DENND11: variants seen among roughly 807,000 people sequenced by gnomAD.
DENND11 encodes DENN domain-containing protein 11.
In DENND11, 34 loss-of-function variants were observed where a neutral mutation model predicts 49.2. The observed-to-expected ratio is 0.69, with a 90% CI of 0.53 to 0.92. The LOEUF is 0.92. DENND11 is among the 40% of genes least tolerant of loss of function. DENND11 has a pLI of 0.00. For synonymous variants in DENND11, 238 were observed against 230.3 expected, an observed-to-expected ratio of 1.03 and a Z score of -0.30; for missense variants, 475 against 581.6, an observed-to-expected ratio of 0.82 and a Z score of 1.88.
At chr7:141,698,932 T>C (rs1332069043) in intron 1 of DENND11, among the ~76,000 whole-genome samples, 1 of 136,586 alleles carries the variant, frequency 7.3e-6, no homozygotes, top group Middle Eastern at 3.3e-3. Flanking sequence ...GGGCAGTAAG[T>C]GATGGGGGTG....
At chr7:141,698,100 A>T (rs1244574147) in intron 1 of DENND11, among the ~76,000 whole-genome samples, 2 of 152,190 alleles carry the variant, frequency 1.3e-5, no homozygotes, top group African/African-American at 4.8e-5. Context: ...AATCTCTTAT[A>T]AAGAAACAGT....
chr7:141,669,311 T>G (rs1797942289), intron 4 of DENND11, among the ~76,000 whole-genome samples: 1 of 150,244 alleles, frequency 6.7e-6, no homozygotes, highest in Non-Finnish European at 1.5e-5. Flanking sequence ...GCAGTGGCGC[T>G]ATCTCAGCTC....
Position 141,685,065 on chromosome 7 carries a change from A to G in DENND11, c.527+413T>C, listed in dbSNP as rs183802243. 4.3e-3 allele frequency among the ~76,000 whole-genome samples: 587 copies of G among 135,010 alleles called. 4 individuals carry two copies. Among genetic ancestry groups the G allele is most frequent in the African/African-American group, 0.013 (472 of 37,250 alleles). 88.6% of individuals were successfully genotyped at this position (135,010 alleles called of 152,430 possible). On this transcript the variant is annotated intron_variant, in intron 3 of 8. Transcript: ENST00000536163. ...ATATATATATATATATATATTTTTA[A>G]GTTCTCTTTCTATTATCCCAATCAT... is the stretch of plus-strand genomic sequence containing the variant.
chr7:141,668,242 G>A (rs1201740529), intron 4 of DENND11, among the ~76,000 whole-genome samples: 3 of 152,190 alleles, frequency 2.0e-5, no homozygotes, highest in African/African-American at 4.8e-5. Context: ...CCCACTCTAG[G>A]AGAGACAGAA....
intron 4 of DENND11, among the ~76,000 whole-genome samples, chr7:141,671,244 T>C (rs1452649236): frequency 2.6e-5 from 4 of 152,234 alleles, no homozygotes; most frequent in South Asian, 2.1e-4. Context: ...TGGTGCGATG[T>C]TGGCTCACTG....
chr7:141,695,040 C>A (rs1798390530), intron 1 of DENND11, among the ~76,000 whole-genome samples: 1 of 152,150 alleles, frequency 6.6e-6, no homozygotes, highest in Non-Finnish European at 1.5e-5. Flanking sequence ...ATTTCTTAAC[C>A]ATTTATCATA....
At chr7:141,687,918 G>A (rs1446901941) in intron 1 of DENND11, among the ~76,000 whole-genome samples, 1 of 152,126 alleles carries the variant, frequency 6.6e-6, no homozygotes, top group Non-Finnish European at 1.5e-5. Context: ...ACAGGCGTGA[G>A]CCACCGCACC....
chr7:141,702,049 GC>G lies in DENND11; in HGVS notation c.104del (p.Gly35AlafsTer59), dbSNP rs1476290332. ...PQPQAGGWGR[G>X]GGGGARPAAE... The stretch of plus-strand genomic sequence containing the variant: ...CGGCCGGCCGGGCGCCCCCGCCGCC[GC>G]CCCGGCCCCAGCCTCCCGCCTGCGG... On this transcript the variant is annotated frameshift_variant, in exon 1 of 9. Transcript: ENST00000536163. LOFTEE classifies it high-confidence loss of function. The G allele has an allele frequency of 2.0e-6, 2 of 995,532 alleles. No homozygotes were observed. The highest frequency in any genetic ancestry group is 2.4e-6 in the Non-Finnish European group (2 of 838,066). The allele number at this position is 995,532 out of a possible 1,614,324, so 61.7% of individuals were successfully genotyped here. A position where few individuals can be genotyped will look rare whatever the true frequency, so the allele number is the denominator to read the frequency against.
At chr7:141,682,789 C>G in intron 3 of DENND11, among the ~76,000 whole-genome samples, 1 of 152,162 alleles carries the variant, frequency 6.6e-6, no homozygotes, top group South Asian at 2.1e-4. Context: ...TAGCCAGGAC[C>G]CTATCCAATA....
At position 141,664,960 on chromosome 7, in the gene DENND11, C is replaced by G. The variant is rs750980490; in HGVS notation, c.1047G>C (p.Pro349=). ...NVKTHHDHLQ[P]LLKINSADRE... ...TGTCAGCACTGTTGATCTTCAGCAGCGGCTGCAGGTGGTCGTGGTGTGTCT... is the reference window on the plus strand; with the variant it reads ...TGTCAGCACTGTTGATCTTCAGCAGGGGCTGCAGGTGGTCGTGGTGTGTCT... Residue 349 remains proline, a synonymous_variant, in exon 7 of 9, where the codon CCG becomes CCC. Transcript: ENST00000536163. The G allele has an allele frequency of 1.9e-6, 3 of 1,613,592 alleles. No individual in the cohort carries two copies. Among genetic ancestry groups the G allele is most frequent in the Non-Finnish European group, 2.5e-6 (3 of 1,179,740 alleles).
rs939446081 is a variant in DENND11, at chr7:141,660,067, G to C, written c.*2589C>G. The C allele has an allele frequency of 6.6e-6, 1 of 152,148 alleles. No individual in the cohort carries two copies. Among genetic ancestry groups the C allele is most frequent in the South Asian group, 2.1e-4 (1 of 4,818 alleles). 9.4% of individuals were successfully genotyped at this position (152,148 alleles called of 1,614,324 possible). A position where few individuals can be genotyped will look rare whatever the true frequency, so the allele number is the denominator to read the frequency against. The stretch of plus-strand genomic sequence containing the variant: ...AGAATCTGGCATAGAGCAAGGCTTC[G>C]AAAGGTGATTTCCGAAGCCACAGGC... On this transcript the variant is annotated 3_prime_UTR_variant, in exon 9 of 9. Transcript: ENST00000536163.
At chr7:141,674,685 C>G (rs1313147843) in intron 3 of DENND11, among the ~76,000 whole-genome samples, 2 of 152,172 alleles carry the variant, frequency 1.3e-5, no homozygotes, top group Non-Finnish European at 2.9e-5. Context: ...GAATACGGAG[C>G]TTACCCCAAA....
chr7:141,702,000 G>T lies in DENND11; in HGVS notation c.154C>A (p.Pro52Thr), dbSNP rs1798529375. 1.8e-6 allele frequency: 2 copies of T among 1,134,028 alleles called. No homozygotes were observed. The highest frequency in any genetic ancestry group is 3.3e-5 in the African/African-American group (2 of 60,542). The allele number at this position is 1,134,028 out of a possible 1,614,324, so 70.2% of individuals were successfully genotyped here. A position where few individuals can be genotyped will look rare whatever the true frequency, so the allele number is the denominator to read the frequency against. The change falls in exon 1 of 9, where the codon CCC becomes ACC. Residue 52 changes from proline to threonine, a missense_variant. By Grantham distance (38) the Pro-to-Thr change is conservative (BLOSUM62 -1). Transcript: ENST00000536163. The part of the protein sequence containing the change: ...PAAEPPRRRE[P>T]EEPAAPEVLL... ...ACCTCCGGGGCGGCCGGCTCCTCGGGCTCCCGCCTCCGGGGCGGCTCCGCG... is the reference window on the plus strand; with the variant it reads ...ACCTCCGGGGCGGCCGGCTCCTCGGTCTCCCGCCTCCGGGGCGGCTCCGCG...
chr7:141,702,018 G>C lies in DENND11; in HGVS notation c.136C>G (p.Pro46Ala). 1 of 1,087,168 alleles carries C rather than the reference G, an allele frequency of 9.2e-7. No homozygotes were observed. Among genetic ancestry groups the C allele is most frequent in the Non-Finnish European group, 1.1e-6 (1 of 896,328 alleles). The allele number at this position is 1,087,168 out of a possible 1,614,324, so 67.3% of individuals were successfully genotyped here. The change falls in exon 1 of 9, where the codon CCG (proline) becomes GCG (alanine). Residue 46 changes from proline (P) to alanine (A), a missense_variant. Pro to Ala is a conservative substitution (Grantham distance 27). Coordinates refer to ENST00000536163, the MANE Select transcript of DENND11 (RefSeq NM_001080392.2). Reference sequence around the variant, plus strand: ...TCCTCGGGCTCCCGCCTCCGGGGCGGCTCCGCGGCCGGCCGGGCGCCCCCG... The same window carrying C: ...TCCTCGGGCTCCCGCCTCCGGGGCGCCTCCGCGGCCGGCCGGGCGCCCCCG... Reference protein sequence around the residue: ...GGGGARPAAEPPRRREPEEPA... With the variant: ...GGGGARPAAEAPRRREPEEPA...
rs1393773068 is a variant in DENND11 at position 141,659,945 on chromosome 7, T to C, written c.*2711A>G. 6.6e-6 allele frequency: 1 copy of C among 152,232 alleles called. No homozygotes were observed. The highest frequency in any genetic ancestry group is 1.9e-4 in the East Asian group (1 of 5,198). 9.4% of individuals were successfully genotyped at this position (152,232 alleles called of 1,614,324 possible). On this transcript the variant is annotated 3_prime_UTR_variant, in exon 9 of 9. Coordinates refer to ENST00000536163, the MANE Select transcript of DENND11 (RefSeq NM_001080392.2). ...AGACTGGCAGAAAAGCAGGTCCACATGGCTCCTAGCTTCTGCTGCCACTGT... is the reference window on the plus strand; with the variant it reads ...AGACTGGCAGAAAAGCAGGTCCACACGGCTCCTAGCTTCTGCTGCCACTGT...
intron 3 of DENND11, among the ~76,000 whole-genome samples, chr7:141,675,245 G>A (rs1798046526): frequency 6.6e-6 from 1 of 152,162 alleles, no homozygotes; most frequent in South Asian, 2.1e-4. Context: ...AAGATTGCCA[G>A]CATCCACCAG....
chr7:141,700,591 T>C (rs545895243), intron 1 of DENND11, among the ~76,000 whole-genome samples: 1 of 151,980 alleles, frequency 6.6e-6, no homozygotes, highest in African/African-American at 2.4e-5. Context: ...TGTGAGCATA[T>C]TGGTTGTGAT....
chr7:141,657,839 T>G lies in DENND11; in HGVS notation c.*4817A>C, dbSNP rs1433558723. The G allele has an allele frequency of 6.6e-6, 1 of 152,568 alleles. No homozygotes were observed. Among genetic ancestry groups the G allele is most frequent in the East Asian group, 1.9e-4 (1 of 5,198 alleles). 9.5% of individuals were successfully genotyped at this position (152,568 alleles called of 1,614,324 possible). On this transcript the variant is annotated 3_prime_UTR_variant, in exon 9 of 9. Coordinates refer to ENST00000536163, the MANE Select transcript of DENND11 (RefSeq NM_001080392.2). ...CAATTTCATCCAACTGCCCCTAAAT[T>G]CTAGTTCCAAAAACAAATTAAAGTG...
chr7:141,665,229 C>T lies in DENND11; in HGVS notation c.910G>A (p.Ala304Thr). Residue 304 changes from alanine (A) to threonine (T), a missense_variant, in exon 6 of 9, where the codon GCT (alanine) becomes ACT (threonine). Physicochemically the swap from Ala to Thr is moderately conservative, Grantham distance 58. Transcript: ENST00000536163. Reference sequence around the variant, plus strand: ...TCTACCTCCAGGCTCTCGATGTCAGCCACGTTCACGTAGAAGAAAGGTTTG... The same window carrying T: ...TCTACCTCCAGGCTCTCGATGTCAGTCACGTTCACGTAGAAGAAAGGTTTG... ...ESKPFFYVNV[A>T]DIESLEVEVS... 1.2e-6 allele frequency: 2 copies of T among 1,613,414 alleles called. No individual in the cohort carries two copies. The highest frequency in any genetic ancestry group is 2.2e-5 in the East Asian group (1 of 44,850).
Sources: gnomAD v4.1 joint callset for allele counts (sites outside exome capture counted in the v4.1 genomes callset) on GRCh38, gnomAD v4.1.1 for gene constraint, MANE v1.5 for transcripts, NCBI Gene and HGNC (gene_info 2026-07-23, HGNC 2026-07-21) for gene names.